Variants in MS4A13 observed in about 807,000 individuals in gnomAD.
MS4A13 encodes the protein membrane spanning 4-domains A13.
Under a neutral mutation model 18.4 loss-of-function variants are expected in MS4A13, and 21 were observed. The observed-to-expected ratio is 1.14, with a 90% confidence interval of 0.81 to 1.64. The LOEUF is 1.64. Ranked by LOEUF, MS4A13 falls within the 40% of genes most tolerant of loss-of-function variation. The probability of loss-of-function intolerance (pLI) is 0.00; values close to 1 mark genes in which losing one functional copy is unlikely to be tolerated. For synonymous variants in MS4A13, 62 were observed against 57.2 expected (o/e 1.08, Z -0.38); for missense variants, 173 against 176.8 (o/e 0.98, Z 0.12).
chr11:60,535,410 ACTAGAAAAT>A (rs1418564128), intron 6 of MS4A13, among the ~76,000 whole-genome samples: 1 of 127,604 alleles, frequency 7.8e-6, no homozygotes, highest in Non-Finnish European at 1.6e-5. Context: ...ACGCAAATAA[ACTAGAAAAT>A]CTAGAAGAAA....
intron 5 of MS4A13, 28 bp downstream of exon 5, chr11:60,525,354 T>TTAATTTCAAAATTATTAAAAAGAA: frequency 1.4e-6 from 2 of 1,456,962 alleles, no homozygotes; most frequent in Non-Finnish European, 1.8e-6. Context: ...TGGGAACATA[T>TTAATTTCAAAATTATTAAAAAGAA]TAATTTTAAA....
At chr11:60,516,354 C>T (rs2086637528) in intron 2 of MS4A13, among the ~76,000 whole-genome samples, 1 of 152,142 alleles carries the variant, frequency 6.6e-6, no homozygotes, top group Non-Finnish European at 1.5e-5. Context: ...ACTGCACTTA[C>T]ATTTATGCAG....
At chr11:60,531,734 T>C (rs1399776209) in intron 6 of MS4A13, among the ~76,000 whole-genome samples, 1 of 152,232 alleles carries the variant, frequency 6.6e-6, no homozygotes, top group Non-Finnish European at 1.5e-5. Flanking sequence ...TTCACTTGGC[T>C]GTCTTCTCCC....
intron 5 of MS4A13, 54 bp from the exon 6 acceptor site, chr11:60,529,311 T>C (rs2086745304): frequency 5.4e-6 from 5 of 933,782 alleles, no homozygotes; most frequent in Non-Finnish European, 8.3e-6. Flanking sequence ...ATGATCATGT[T>C]TGCACTCACT....
chr11:60,519,069 G>A (rs1447801691), intron 3 of MS4A13, among the ~76,000 whole-genome samples: 1 of 152,130 alleles, frequency 6.6e-6, no homozygotes, highest in Non-Finnish European at 1.5e-5. Flanking sequence ...GTGGGTATTG[G>A]GATCAAGTAT....
At chr11:60,542,240 GAGAA>G (rs1287642420) in intron 6 of MS4A13, among the ~76,000 whole-genome samples, 3 of 139,882 alleles carry the variant, frequency 2.1e-5, no homozygotes, top group Non-Finnish European at 4.6e-5. Context: ...AGGAAGGAAG[GAGAA>G]AGAAAAAGAG....
downstream of MS4A13, among the ~76,000 whole-genome samples, chr11:60,542,880 TC>T (rs113201737): frequency 1.1e-4 from 16 of 152,276 alleles, no homozygotes; most frequent in African/African-American, 3.8e-4. Context: ...CATTATTATC[TC>T]TAGAGTGAAG....
chr11:60,543,121 A>T (rs185976150), downstream of MS4A13, among the ~76,000 whole-genome samples: 127 of 152,116 alleles, frequency 8.3e-4, 1 homozygote, highest in African/African-American at 2.5e-3. Flanking sequence ...TATCTTTCTT[A>T]TCTTTCTTTC....
intron 6 of MS4A13, among the ~76,000 whole-genome samples, chr11:60,539,208 AT>A (rs1372647179): frequency 5.1e-5 from 7 of 138,318 alleles, no homozygotes; most frequent in East Asian, 2.1e-4. Context: ...AAAAAAAAAA[AT>A]TTAGTAAAGT....
At chr11:60,529,275 TGACTC>T in intron 5 of MS4A13, 85 bp from the exon 6 acceptor site, 2 of 332,980 alleles carry the variant, frequency 6.0e-6, no homozygotes, top group Non-Finnish European at 1.1e-5. Context: ...TTTTTTTTTT[TGACTC>T]TCATACCAGT....
Position 60,542,582 on chromosome 11 carries a change from T to A in MS4A13, c.*7T>A. The A allele has an allele frequency of 6.3e-7, 1 of 1,598,322 alleles. No individual in the cohort carries two copies. Among genetic ancestry groups the A allele is most frequent in the Non-Finnish European group, 8.6e-7 (1 of 1,168,926 alleles). On this transcript the variant is annotated 3_prime_UTR_variant, in exon 7 of 7. Transcript: ENST00000378186. ...AGCTGAGAGCACTCCTTAAAAACCCTAGAAATATGAGAATTTTGCTGTTGC... is the reference window on the plus strand; with the variant it reads ...AGCTGAGAGCACTCCTTAAAAACCCAAGAAATATGAGAATTTTGCTGTTGC...
chr11:60,519,561 A>G (rs752180686), intron 3 of MS4A13, among the ~76,000 whole-genome samples: 2 of 152,130 alleles, frequency 1.3e-5, no homozygotes, highest in Non-Finnish European at 2.9e-5. Context: ...CAGATTATGG[A>G]GAGGTGGTTT....
Position 60,529,388 on chromosome 11 carries a change from T to C in MS4A13, c.330T>C (p.Arg110=), listed in dbSNP as rs200637462. ...AGAAACTTGGGAGGGAAGTATCACG[T>C]ATTTTACTGTTCTTCTACGGTTTGG... The part of the protein sequence containing the change: ...GQAKLGREVS[R]ILLFFYGLEF... Residue 110 remains arginine (R), a synonymous_variant, in exon 6 of 7, where the codon CGT becomes CGC. Transcript: ENST00000378186. 1.2e-6 allele frequency: 2 copies of C among 1,606,440 alleles called. No individual in the cohort carries two copies. Among genetic ancestry groups the C allele is most frequent in the East Asian group, 2.3e-5 (1 of 44,356 alleles).
At chr11:60,518,253 A>G in intron 3 of MS4A13, 41 bp downstream of exon 3, 1 of 1,503,678 alleles carries the variant, frequency 6.7e-7, no homozygotes, top group South Asian at 1.3e-5. Context: ...CATACAATAA[A>G]TAATATTCAT....
intron 3 of MS4A13, among the ~76,000 whole-genome samples, chr11:60,522,233 TA>T (rs1239384640): frequency 0.014 from 1,981 of 146,544 alleles, 43 homozygotes; most frequent in African/African-American, 0.037. Flanking sequence ...GATAGATAGA[TA>T]GATAGATGTA....
At chr11:60,539,186 T>C (rs939120538) in intron 6 of MS4A13, among the ~76,000 whole-genome samples, 4 of 57,862 alleles carry the variant, frequency 6.9e-5, no homozygotes, top group African/African-American at 1.6e-4. Context: ...ATGAGTGTTG[T>C]TTCAAAAAAA....
At chr11:60,539,272 C>T (rs1275953419) in intron 6 of MS4A13, among the ~76,000 whole-genome samples, 1 of 148,418 alleles carries the variant, frequency 6.7e-6, no homozygotes, top group Non-Finnish European at 1.5e-5. Flanking sequence ...AAATAAAAGT[C>T]AATAAAAGAG....
chr11:60,538,336 T>C (rs1424575675), intron 6 of MS4A13, among the ~76,000 whole-genome samples: 2 of 151,724 alleles, frequency 1.3e-5, no homozygotes, highest in Non-Finnish European at 2.9e-5. Flanking sequence ...GAGTAAGCTT[T>C]AGGGATCAAT....
At chr11:60,522,269 T>G (rs1195782346) in intron 3 of MS4A13, among the ~76,000 whole-genome samples, 1 of 149,036 alleles carries the variant, frequency 6.7e-6, no homozygotes, top group Non-Finnish European at 1.5e-5. Flanking sequence ...TACACACATA[T>G]ATATGTATGT....
Sources: allele counts gnomAD v4.1 joint callset (sites outside exome capture counted in the v4.1 genomes callset), GRCh38; gene constraint gnomAD v4.1.1; transcripts MANE v1.5; gene names NCBI Gene and HGNC (gene_info 2026-07-23, HGNC 2026-07-21).